The following CCDC60 variants were observed in gnomAD, a reference collection of about 807,000 sequenced individuals.
CCDC60 encodes the protein coiled-coil domain containing 60, also known as coiled-coil domain-containing protein 60.
A neutral mutation model predicts 63.5 loss-of-function variants in CCDC60; 54 were observed. The observed-to-expected ratio is 0.85, with a 90% CI of 0.68 to 1.07. CCDC60 has a LOEUF of 1.07. Ranked by LOEUF, CCDC60 falls within the 50% of genes least tolerant of loss-of-function variation. CCDC60 has a pLI of 0.00. For synonymous variants in CCDC60, 206 were observed against 238.8 expected, an observed-to-expected ratio of 0.86 and a Z score of 1.27; for missense variants, 651 against 684.3, an observed-to-expected ratio of 0.95 and a Z score of 0.54.
chr12:119,357,057 C>G (rs955250850), intron 1 of CCDC60, among the ~76,000 whole-genome samples: 3 of 152,196 alleles, frequency 2.0e-5, no homozygotes, highest in Admixed American at 2.0e-4. Context: ...CTCTCCAAAA[C>G]TCATGTTGAA....
chr12:119,500,570 A>C (rs1201298934), intron 6 of CCDC60, among the ~76,000 whole-genome samples: 3 of 149,024 alleles, frequency 2.0e-5, no homozygotes, highest in African/African-American at 7.4e-5. Context: ...TCAGAAAATA[A>C]AAGCCAGGCA....
At chr12:119,462,887 G>C (rs570560406) in intron 2 of CCDC60, among the ~76,000 whole-genome samples, 1 of 151,744 alleles carries the variant, frequency 6.6e-6, no homozygotes, top group South Asian at 2.1e-4. Context: ...GCAGTGATGC[G>C]ATGTCAGCTC....
At chr12:119,511,803 G>T (rs1952220744) in intron 7 of CCDC60, among the ~76,000 whole-genome samples, 1 of 152,212 alleles carries the variant, frequency 6.6e-6, no homozygotes, top group Admixed American at 6.5e-5. Context: ...TGAGTTGGGG[G>T]TAGGAGTGGT....
intron 1 of CCDC60, among the ~76,000 whole-genome samples, chr12:119,336,196 TAA>T (rs1344746614): frequency 6.6e-6 from 1 of 151,646 alleles, no homozygotes; most frequent in Non-Finnish European, 1.5e-5. Flanking sequence ...TATACATATG[TAA>T]CTAACCTGCA....
intron 1 of CCDC60, among the ~76,000 whole-genome samples, chr12:119,392,749 C>T (rs1956182235): frequency 6.6e-6 from 1 of 152,166 alleles, no homozygotes; most frequent in Admixed American, 6.5e-5. Context: ...ATGTATGAAC[C>T]ACATGTTTGT....
intron 13 of CCDC60, among the ~76,000 whole-genome samples, chr12:119,538,775 G>C (rs145931550): frequency 0.012 from 1,895 of 152,274 alleles, 34 homozygotes; most frequent in African/African-American, 0.044. Context: ...AAGCGTTCTG[G>C]TTTTGGGAAT....
chr12:119,485,651 C>T (rs61938117), intron 4 of CCDC60, among the ~76,000 whole-genome samples: 10,664 of 152,130 alleles, frequency 0.07, 378 homozygotes, highest in African/African-American at 0.079. Context: ...CTTATAAGGA[C>T]ACCAGTCAGA....
At chr12:119,521,612 A>G (rs1185480694) in intron 9 of CCDC60, among the ~76,000 whole-genome samples, 1 of 152,142 alleles carries the variant, frequency 6.6e-6, no homozygotes, top group East Asian at 1.9e-4. Flanking sequence ...GCTCCAAGCA[A>G]AGACCAGTGC....
intron 1 of CCDC60, among the ~76,000 whole-genome samples, chr12:119,406,206 G>T (rs60465962): frequency 0.041 from 4,353 of 106,432 alleles, 124 homozygotes; most frequent in African/African-American, 0.098. Context: ...TATATATATA[G>T]AGAGAGAGAG....
intron 1 of CCDC60, among the ~76,000 whole-genome samples, chr12:119,338,466 C>T (rs899250571): frequency 1.3e-5 from 2 of 152,136 alleles, no homozygotes; most frequent in African/African-American, 4.8e-5. Context: ...GAGATGGCAA[C>T]ACTGAGGCTC....
intron 1 of CCDC60, among the ~76,000 whole-genome samples, chr12:119,424,833 T>G (rs1956874017): frequency 6.6e-6 from 1 of 152,106 alleles, no homozygotes; most frequent in South Asian, 2.1e-4. Flanking sequence ...ACAGAAATGG[T>G]TTCCTGAGAA....
chr12:119,519,469 T>TA (rs1386843518), intron 8 of CCDC60, among the ~76,000 whole-genome samples: 1,073 of 97,974 alleles, frequency 0.011, 10 homozygotes, highest in Admixed American at 0.026. Flanking sequence ...ATATATATAT[T>TA]TTTTTTTTTT....
At chr12:119,430,009 C>T (rs1376418039) in intron 2 of CCDC60, among the ~76,000 whole-genome samples, 1 of 152,054 alleles carries the variant, frequency 6.6e-6, no homozygotes, top group Non-Finnish European at 1.5e-5. Flanking sequence ...AGATGCTTTT[C>T]ATTATGTTTT....
chr12:119,418,380 T>TTCTC (rs1956744170), intron 1 of CCDC60, among the ~76,000 whole-genome samples: 1 of 124,230 alleles, frequency 8.0e-6, no homozygotes, highest in African/African-American at 2.9e-5. Context: ...TTCCTTTTCT[T>TTCTC]TCTTTCTTTT....
intron 1 of CCDC60, among the ~76,000 whole-genome samples, chr12:119,382,119 A>G (rs1460598523): frequency 6.6e-6 from 1 of 152,190 alleles, no homozygotes; most frequent in Admixed American, 6.5e-5. Flanking sequence ...TTCTCCTTCC[A>G]CAAACATGAA....
chr12:119,445,288 GC>G (rs1950521716), intron 2 of CCDC60, among the ~76,000 whole-genome samples: 1 of 151,666 alleles, frequency 6.6e-6, no homozygotes, highest in African/African-American at 2.4e-5. Flanking sequence ...ACAAAAATTA[GC>G]CGGGTATGGT....
At chr12:119,487,474 T>C (rs1951477924) in intron 4 of CCDC60, among the ~76,000 whole-genome samples, 1 of 152,002 alleles carries the variant, frequency 6.6e-6, no homozygotes, top group Non-Finnish European at 1.5e-5. Context: ...ATTTTTGTAT[T>C]TTTAATAGAG....
intron 1 of CCDC60, among the ~76,000 whole-genome samples, chr12:119,360,536 G>C (rs1333057809): frequency 6.6e-6 from 1 of 151,388 alleles, no homozygotes; most frequent in African/African-American, 2.4e-5. Flanking sequence ...CTTCTCAGAC[G>C]GGGCGGCCGG....
intron 1 of CCDC60, among the ~76,000 whole-genome samples, chr12:119,347,328 A>G (rs1955607974): frequency 6.6e-6 from 1 of 152,170 alleles, no homozygotes; most frequent in African/African-American, 2.4e-5. Context: ...AATCGTAAAC[A>G]GCTTAATTGG....
Sources: allele counts gnomAD v4.1 joint callset (sites outside exome capture counted in the v4.1 genomes callset), GRCh38; gene constraint gnomAD v4.1.1; transcripts MANE v1.5; gene names NCBI Gene and HGNC (gene_info 2026-07-23, HGNC 2026-07-21).